The following GREB1 variants were observed in gnomAD, a reference collection of about 807,000 sequenced individuals.
GREB1 encodes growth regulating estrogen receptor binding 1.
GREB1 carries 106 observed loss-of-function variants against 200.7 expected under a neutral mutation model. The observed-to-expected ratio is 0.53, with a 90% CI of 0.45 to 0.62. GREB1 has a LOEUF of 0.62. Ranked by LOEUF, GREB1 falls within the 20% of genes least tolerant of loss-of-function variation. The pLI, the probability that GREB1 is intolerant of heterozygous loss-of-function variation, is 0.00. For missense variants in GREB1, 2,243 were observed against 2,556.8 expected, an observed-to-expected ratio of 0.88 and a Z score of 2.65; for synonymous variants, 1,132 against 1,092.4, an observed-to-expected ratio of 1.04 and a Z score of -0.72.
At chr2:11,546,434 C>T (rs1479149685) in intron 1 of GREB1, among the ~76,000 whole-genome samples, 1 of 151,942 alleles carries the variant, frequency 6.6e-6, no homozygotes, top group African/African-American at 2.4e-5. Context: ...GAACATGGAC[C>T]ACATGTTTTT....
intron 29 of GREB1, 107 bp from the exon 30 acceptor site, chr2:11,635,163 C>T (rs2148441269): frequency 1.5e-6 from 2 of 1,337,640 alleles, no homozygotes; most frequent in Admixed American, 4.1e-5. Flanking sequence ...GCCCACTCCA[C>T]CTTCATAGCC....
chr2:11,553,424 A>G (rs1355984488), intron 1 of GREB1, among the ~76,000 whole-genome samples: 1 of 151,956 alleles, frequency 6.6e-6, no homozygotes, highest in Non-Finnish European at 1.5e-5. Flanking sequence ...CAGAGGTTGC[A>G]GAATCGAGAT....
rs998756697 is a variant in GREB1, at chr2:11,492,355, G to T, written c.-159+9974G>T. ...GTGCTCTATCAAGAAATGCTTGTTG[G>T]TTGGTTTGTTTCTTGGTCAGCCATT... On this transcript the variant is annotated intron_variant, in intron 1 of 2. Coordinates refer to the GREB1 transcript ENST00000628795. The surrounding 1 kb of genome is among the most constrained non-coding windows in gnomAD (Gnocchi z 4.0). 6.6e-6 allele frequency among the ~76,000 whole-genome samples: 1 copy of T among 152,178 alleles called. No individual in the cohort carries two copies. Among genetic ancestry groups the T allele is most frequent in the African/African-American group, 2.4e-5 (1 of 41,444 alleles).
At chr2:11,612,931 C>G (rs1420115037) in intron 19 of GREB1, among the ~76,000 whole-genome samples, 2 of 152,186 alleles carry the variant, frequency 1.3e-5, no homozygotes, top group Non-Finnish European at 2.9e-5. Flanking sequence ...ATGGGGCGCT[C>G]TGTGTGTGCT....
intron 19 of GREB1, among the ~76,000 whole-genome samples, chr2:11,614,730 A>G (rs961578396): frequency 6.6e-6 from 1 of 151,864 alleles, no homozygotes; most frequent in African/African-American, 2.4e-5. Flanking sequence ...CGCCTGGCTC[A>G]TTTTTTGTAT....
Position 11,575,052 on chromosome 2 carries a change from A to C in GREB1, c.455-1301A>C, listed in dbSNP as rs80005885. On this transcript the variant is annotated intron_variant, in intron 4 of 32. Coordinates refer to ENST00000381486, the MANE Select transcript of GREB1 (RefSeq NM_014668.4). Reference sequence around the variant, plus strand: ...ATGTAGATGTCTTATTTATCTGTGGAGATGTTTTTAACCTTCACTAACTGG... The same window carrying C: ...ATGTAGATGTCTTATTTATCTGTGGCGATGTTTTTAACCTTCACTAACTGG... 2.1e-3 allele frequency among the ~76,000 whole-genome samples: 319 copies of C among 152,278 alleles called. 4 individuals carry two copies. The highest frequency in any genetic ancestry group is 7.0e-3 in the African/African-American group (291 of 41,556).
intron 1 of GREB1, among the ~76,000 whole-genome samples, chr2:11,490,265 A>C (rs1672749104): frequency 1.3e-5 from 2 of 152,126 alleles, no homozygotes; most frequent in South Asian, 4.2e-4. Context: ...CCTCTATGGC[A>C]GATTTGCCTA....
intron 1 of GREB1, among the ~76,000 whole-genome samples, chr2:11,553,847 AG>A (rs1676172700): frequency 6.6e-6 from 1 of 152,164 alleles, no homozygotes; most frequent in South Asian, 2.1e-4. Flanking sequence ...GACCTTGGGC[AG>A]GGAGGGTCTG....
At chr2:11,547,713 G>T (rs145369359) in intron 1 of GREB1, among the ~76,000 whole-genome samples, 1 of 151,964 alleles carries the variant, frequency 6.6e-6, no homozygotes, top group Non-Finnish European at 1.5e-5. Flanking sequence ...TTAAATTGAC[G>T]AAATTTAAAA....
At chr2:11,503,869 A>G (rs892192145) in intron 1 of GREB1, among the ~76,000 whole-genome samples, 21 of 152,158 alleles carry the variant, frequency 1.4e-4, no homozygotes, top group Non-Finnish European at 2.8e-4. Context: ...CCCCTTGTCC[A>G]TGGGATATAT....
chr2:11,541,990 T>C (rs560800780), intron 1 of GREB1, among the ~76,000 whole-genome samples: 4 of 152,054 alleles, frequency 2.6e-5, no homozygotes, highest in African/African-American at 9.6e-5. Context: ...CCTGATAGAA[T>C]TTTCCATTCC....
chr2:11,538,629 CTTTCTTTCTTTCTTTCTT>C (rs1558510601), intron 1 of GREB1, among the ~76,000 whole-genome samples: 1 of 35,194 alleles, frequency 2.8e-5, no homozygotes, highest in Non-Finnish European at 7.6e-5. Context: ...TTCTTTCTTT[CTTTCTTTCTTTCTTTCTT>C]TCTTTCTTTC....
rs577244948 is a variant in GREB1 at position 11,489,963 on chromosome 2, T to C, written c.-159+7582T>C. On this transcript the variant is annotated intron_variant, in intron 1 of 2. Coordinates refer to the GREB1 transcript ENST00000628795. ...CATATATATTTATGTATTATATTAC[T>C]AGATATATAACAAATAATATTGTAA... 5.3e-5 allele frequency among the ~76,000 whole-genome samples: 6 copies of C among 112,942 alleles called. 1 individual carries two copies. In the South Asian group the frequency reaches 2.2e-3, roughly 41 times the overall value. 74.1% of individuals were successfully genotyped at this position (112,942 alleles called of 152,430 possible).
rs372659647 is a variant in GREB1, at chr2:11,631,977, T to C, written c.4680T>C (p.Asn1560=). The part of the protein sequence containing the change: ...TTGRHEHGLF[N]LYHAMDGASH... ...GCCGTCACGAACATGGGCTCTTTAA[T>C]CTGTACCACGCAATGGACGGTGCCA... Residue 1560 remains asparagine, a synonymous_variant, in exon 27 of 33, where the codon AAT becomes AAC. Transcript: ENST00000381486. 3 of 1,614,020 alleles carry C rather than the reference T, an allele frequency of 1.9e-6. No homozygotes were observed. In the African/African-American group the frequency reaches 4.0e-5, roughly 22 times the overall value.
intron 14 of GREB1, 129 bp downstream of exon 14, chr2:11,598,107 T>C (rs968536255): frequency 3.9e-6 from 3 of 770,932 alleles, no homozygotes; most frequent in East Asian, 4.9e-5. Flanking sequence ...GTTTTATAGA[T>C]TGTGAAACTG....
chr2:11,577,542 A>G (rs1679000492), intron 5 of GREB1, among the ~76,000 whole-genome samples: 2 of 152,206 alleles, frequency 1.3e-5, no homozygotes, highest in Non-Finnish European at 2.9e-5. Context: ...CTTCATGGCC[A>G]CAGTCAGCAA....
chr2:11,559,907 A>G (rs1318359256), intron 2 of GREB1, among the ~76,000 whole-genome samples: 2 of 152,186 alleles, frequency 1.3e-5, no homozygotes, highest in Non-Finnish European at 2.9e-5. Flanking sequence ...CTGAGAGATC[A>G]GGAGTTCCTG....
At position 11,548,113 on chromosome 2, in the gene GREB1, G is replaced by A. The variant is rs1370916850; in HGVS notation, c.-161-8341G>A. On this transcript the variant is annotated intron_variant, in intron 1 of 32. Coordinates refer to ENST00000381486, the MANE Select transcript of GREB1 (RefSeq NM_014668.4). The surrounding 1 kb of genome is among the most constrained non-coding windows in gnomAD (Gnocchi z 5.1). ...GGATTACTTGAGCCCAGGAGTTGAGGCTACAGTGAGCTGTGACTGCACCAC... is the reference window on the plus strand; with the variant it reads ...GGATTACTTGAGCCCAGGAGTTGAGACTACAGTGAGCTGTGACTGCACCAC... Among the ~76,000 whole-genome samples the A allele has an allele frequency of 1.3e-5, 2 of 151,740 alleles. No individual in the cohort carries two copies. Among genetic ancestry groups the A allele is most frequent in the Admixed American group, 1.3e-4 (2 of 15,236 alleles).
intron 3 of GREB1, among the ~76,000 whole-genome samples, chr2:11,565,766 C>T (rs1180521035): frequency 6.6e-6 from 1 of 152,216 alleles, no homozygotes; most frequent in Non-Finnish European, 1.5e-5. Flanking sequence ...CCATGACCCC[C>T]TAGCGGAAAC....
Sources: gnomAD v4.1 joint callset for allele counts (sites outside exome capture counted in the v4.1 genomes callset) on GRCh38, gnomAD v4.1.1 for gene constraint, Gnocchi (gnomAD v3.1) non-coding constraint, MANE v1.5 for transcripts, NCBI Gene and HGNC (gene_info 2026-07-23, HGNC 2026-07-21) for gene names.